The following CRHBP variants were observed in gnomAD, a reference collection of about 807,000 sequenced individuals.
The protein encoded by CRHBP is corticotropin-releasing hormone-binding protein.
CRHBP carries 19 observed loss-of-function variants against 34.9 expected under a neutral mutation model. The observed-to-expected ratio is 0.55, with a 90% confidence interval of 0.38 to 0.80. The LOEUF is 0.80. Among genes scored for constraint, CRHBP ranks in the 30% least tolerant of loss-of-function variants. The pLI is 0.00. For synonymous variants in CRHBP, 154 were observed against 153.4 expected (o/e 1.00, Z -0.03); for missense variants, 328 against 409.2 (o/e 0.80, Z 1.71).
At chr5:76,976,034 A>G (rs1245740898) in intron 2 of CRHBP, among the ~76,000 whole-genome samples, 1 of 150,900 alleles carries the variant, frequency 6.6e-6, no homozygotes, top group African/African-American at 2.4e-5. Context: ...CTGCTCAGCA[A>G]AAGCCAATCC....
chr5:76,958,698 A>G, intron 4 of CRHBP, 43 bp from the exon 5 acceptor site: 1 of 1,581,898 alleles, frequency 6.3e-7, no homozygotes, highest in Non-Finnish European at 8.6e-7. Context: ...AACCTAGCAA[A>G]CCAAGTAAAG....
intron 5 of CRHBP, among the ~76,000 whole-genome samples, chr5:76,962,847 C>T (rs2150707685): frequency 6.7e-6 from 1 of 148,160 alleles, no homozygotes; most frequent in Non-Finnish European, 1.5e-5. Context: ...GTTCCAATAG[C>T]ACACAAATTT....
At chr5:76,956,838 A>G (rs1374270115) in intron 4 of CRHBP, among the ~76,000 whole-genome samples, 2 of 152,372 alleles carry the variant, frequency 1.3e-5, no homozygotes, top group East Asian at 1.9e-4. Context: ...TGCATACAGT[A>G]GAATTAATGG....
At chr5:76,968,445 G>A (rs1056848286) in intron 6 of CRHBP, among the ~76,000 whole-genome samples, 4 of 152,136 alleles carry the variant, frequency 2.6e-5, no homozygotes, top group African/African-American at 7.2e-5. Flanking sequence ...AAAAAAGGCC[G>A]AGGAGACATC....
In CRHBP at chr5:76,980,347, T is replaced by C. The variant is rs571463592; in HGVS notation, n.468-614T>C. Among the ~76,000 whole-genome samples the C allele has an allele frequency of 1.1e-3, 174 of 151,672 alleles. 1 individual carries two copies. The highest frequency in any genetic ancestry group is 1.7e-3 in the Non-Finnish European group (118 of 67,846). On this transcript the variant is annotated intron_variant and non_coding_transcript_variant, in intron 3 of 3. Coordinates refer to the CRHBP transcript ENST00000514258. ...AAGCTTGCTGGCTTTATTGCTGCAC[T>C]ACTCTGCTAGAGACTGTGGCTGGAA...
intron 5 of CRHBP, among the ~76,000 whole-genome samples, chr5:76,960,194 C>T (rs948862418): frequency 3.9e-5 from 6 of 152,158 alleles, no homozygotes; most frequent in East Asian, 3.9e-4. Flanking sequence ...TGGAGAGGCG[C>T]GGGGCTACTT....
chr5:76,970,658 T>C (rs1020730129), downstream of CRHBP, among the ~76,000 whole-genome samples: 22 of 152,304 alleles, frequency 1.4e-4, no homozygotes, highest in African/African-American at 5.3e-4. Context: ...TTAAAAAAGA[T>C]AGTCACTCTA....
chr5:76,955,966 G>A (rs1580090790), intron 4 of CRHBP, 103 bp downstream of exon 4: 1 of 1,011,246 alleles, frequency 9.9e-7, no homozygotes. Context: ...GGAATGATTT[G>A]AATGGAAATT....
intron 3 of CRHBP, among the ~76,000 whole-genome samples, chr5:76,978,430 T>G (rs1746072256): frequency 6.6e-6 from 1 of 152,190 alleles, no homozygotes; most frequent in South Asian, 2.1e-4. Context: ...GTATGCTGAG[T>G]CTACTCTGTC....
At chr5:76,961,322 AG>A (rs1561266008) in intron 5 of CRHBP, among the ~76,000 whole-genome samples, 1 of 152,100 alleles carries the variant, frequency 6.6e-6, no homozygotes, top group African/African-American at 2.4e-5. Context: ...ATTTCTTCCT[AG>A]CTTCTTTATT....
downstream of CRHBP, among the ~76,000 whole-genome samples, chr5:76,969,934 C>CTTTTTTTTTTTTTTTTT (rs201228247): frequency 1.6e-5 from 1 of 61,630 alleles, no homozygotes; most frequent in African/African-American, 6.7e-5. Context: ...AAAGAAAATT[C>CTTTTTTTTTTTTTTTTT]TTTTTTTTTT....
chr5:76,953,656 G>A lies in CRHBP; in HGVS notation c.137G>A (p.Arg46Gln), dbSNP rs759914535. 1.9e-6 allele frequency: 3 copies of A among 1,611,352 alleles called. No homozygotes were observed. Among genetic ancestry groups the A allele is most frequent in the Non-Finnish European group, 1.7e-6 (2 of 1,179,124 alleles). ...PFLLFSANLKRELAGEQPYRR... is the reference protein window; with the variant it reads ...PFLLFSANLKQELAGEQPYRR... ...CTGCTCTTCAGCGCCAACCTGAAGC[G>A]GGAGCTGGCTGGGGAGCAGCCGTAC... The change falls in exon 2 of 7, where the codon CGG (arginine) becomes CAG (glutamine). Residue 46 changes from arginine to glutamine, a missense_variant. Arg to Gln is a conservative substitution (Grantham distance 43). Transcript: ENST00000274368.
intron 4 of CRHBP, 67 bp downstream of exon 4, chr5:76,955,930 C>A: frequency 7.1e-7 from 1 of 1,399,312 alleles, no homozygotes; most frequent in Non-Finnish European, 9.8e-7. Context: ...AGTATCATTG[C>A]ACAGACTTAA....
At chr5:76,972,415 G>A (rs1437005204), downstream of CRHBP, among the ~76,000 whole-genome samples, 1 of 151,950 alleles carries the variant, frequency 6.6e-6, no homozygotes, top group Non-Finnish European at 1.5e-5. Flanking sequence ...CAGGAGAATC[G>A]CCTGAACCCG....
chr5:76,979,989 C>T (rs1056167827), intron 3 of CRHBP, among the ~76,000 whole-genome samples: 12 of 148,358 alleles, frequency 8.1e-5, no homozygotes, highest in African/African-American at 2.7e-4. Flanking sequence ...CGGTGGCTCA[C>T]GCCTGTAATG....
chr5:76,961,787 T>G (rs1745779716), intron 5 of CRHBP, among the ~76,000 whole-genome samples: 1 of 152,204 alleles, frequency 6.6e-6, no homozygotes, highest in Non-Finnish European at 1.5e-5. Flanking sequence ...AGAGTCTCAC[T>G]CTGTCGCCCA....
chr5:76,971,604 G>A (rs1046268690), downstream of CRHBP, among the ~76,000 whole-genome samples: 2 of 152,112 alleles, frequency 1.3e-5, no homozygotes, highest in African/African-American at 2.4e-5. Flanking sequence ...TAATCCTAAC[G>A]TTTGAGGGTA....
At chr5:76,971,155 G>A (rs1481588302), downstream of CRHBP, among the ~76,000 whole-genome samples, 1 of 152,184 alleles carries the variant, frequency 6.6e-6, no homozygotes, top group Non-Finnish European at 1.5e-5. Flanking sequence ...AGGAAGTATA[G>A]CGTAGTGGTT....
At chr5:76,973,827 CAG>C (rs1314773519), downstream of CRHBP, among the ~76,000 whole-genome samples, 2 of 81,898 alleles carry the variant, frequency 2.4e-5, no homozygotes, top group African/African-American at 1.3e-4. Flanking sequence ...TTATTTAAGA[CAG>C]AGTCTTGCTC....
Sources: allele counts gnomAD v4.1 joint callset (sites outside exome capture counted in the v4.1 genomes callset), GRCh38; gene constraint gnomAD v4.1.1; transcripts MANE v1.5; gene names NCBI Gene and HGNC (gene_info 2026-07-23, HGNC 2026-07-21).